Variants in SGCD observed in about 807,000 individuals in gnomAD.
SGCD encodes the protein sarcoglycan delta.
Under a neutral mutation model 36.6 loss-of-function variants are expected in SGCD, and 18 were observed. The observed-to-expected ratio is 0.49, with a 90% CI of 0.34 to 0.73. SGCD has a LOEUF of 0.73. SGCD is among the 30% of genes least tolerant of loss of function. The pLI, the probability that SGCD is intolerant of heterozygous loss-of-function variation, is 0.01. For missense variants in SGCD, 387 were observed against 346.7 expected (o/e 1.12, Z -0.92); for synonymous variants, 133 against 130.6 (o/e 1.02, Z -0.12).
chr5:156,651,598 T>A (rs760377067), intron 7 of SGCD, among the ~76,000 whole-genome samples: 3 of 152,062 alleles, frequency 2.0e-5, no homozygotes, highest in Non-Finnish European at 2.9e-5. Context: ...TGTCAAAGAT[T>A]AAATAGCTAT....
intron 3 of SGCD, among the ~76,000 whole-genome samples, chr5:156,256,566 T>A (rs1192958651): frequency 6.6e-6 from 1 of 152,222 alleles, no homozygotes; most frequent in African/African-American, 2.4e-5. Flanking sequence ...TCCTTTCTCC[T>A]CTTGATAGAT....
chr5:156,038,316 T>C (rs534160934), intron 1 of SGCD, among the ~76,000 whole-genome samples: 2 of 152,154 alleles, frequency 1.3e-5, no homozygotes, highest in Non-Finnish European at 2.9e-5. Flanking sequence ...GAGACTGTCA[T>C]AGATTGAGGG....
At chr5:156,187,691 A>G (rs1343515916) in intron 3 of SGCD, among the ~76,000 whole-genome samples, 1 of 152,164 alleles carries the variant, frequency 6.6e-6, no homozygotes, top group African/African-American at 2.4e-5. Flanking sequence ...AGCTGCTGTT[A>G]TAACTTTGTT....
At chr5:155,765,346 AAG>A in the SGCD span, among the ~76,000 whole-genome samples, 2 of 145,076 alleles carry the variant, frequency 1.4e-5, no homozygotes, top group South Asian at 2.4e-4. Context: ...AAGGAAGGGA[AAG>A]AGAGAGGGAG....
At chr5:156,469,347 C>T (rs956267933) in intron 3 of SGCD, among the ~76,000 whole-genome samples, 2 of 152,162 alleles carry the variant, frequency 1.3e-5, no homozygotes, top group African/African-American at 4.8e-5. Context: ...AGGGCATCTG[C>T]CATAGCCTGT....
At chr5:156,454,541 G>A (rs567901348) in intron 3 of SGCD, among the ~76,000 whole-genome samples, 133 of 152,282 alleles carry the variant, frequency 8.7e-4, no homozygotes, top group African/African-American at 3.2e-3. Context: ...TGTACAGATA[G>A]GAGATGCTCT....
chr5:155,861,696 C>A, the SGCD span, among the ~76,000 whole-genome samples: 17 of 151,982 alleles, frequency 1.1e-4, no homozygotes, highest in African/African-American at 4.1e-4. Flanking sequence ...CCAGCCTGGG[C>A]GACAGAGCAA....
chr5:156,072,996 A>C (rs1317345102), intron 1 of SGCD, among the ~76,000 whole-genome samples: 1 of 152,026 alleles, frequency 6.6e-6, no homozygotes, highest in Non-Finnish European at 1.5e-5. Context: ...TCCTTTAAGC[A>C]CTTCTCTCTA....
At chr5:156,029,959 C>G (rs1759309317) in intron 1 of SGCD, among the ~76,000 whole-genome samples, 1 of 152,160 alleles carries the variant, frequency 6.6e-6, no homozygotes, top group Non-Finnish European at 1.5e-5. Context: ...GCCAAGCCCT[C>G]CAGCCCTCAT....
intron 4 of SGCD, among the ~76,000 whole-genome samples, chr5:156,562,268 A>G (rs1462889787): frequency 6.6e-6 from 1 of 152,022 alleles, no homozygotes; most frequent in East Asian, 1.9e-4. Flanking sequence ...CAGGATATGA[A>G]GGGCCCGGGT....
intron 3 of SGCD, among the ~76,000 whole-genome samples, chr5:156,416,386 G>C (rs1341951350): frequency 6.6e-6 from 1 of 152,120 alleles, no homozygotes; most frequent in Non-Finnish European, 1.5e-5. Context: ...AGGTGGCAAG[G>C]GATAAAAGAC....
intron 6 of SGCD, among the ~76,000 whole-genome samples, chr5:156,612,291 G>A (rs1761850387): frequency 6.6e-6 from 1 of 152,184 alleles, no homozygotes; most frequent in Non-Finnish European, 1.5e-5. Flanking sequence ...CTTTTGTTCT[G>A]GGTGGACCCA....
intron 3 of SGCD, among the ~76,000 whole-genome samples, chr5:156,380,064 G>A (rs557696543): frequency 2.0e-5 from 3 of 152,102 alleles, no homozygotes; most frequent in African/African-American, 4.8e-5. Flanking sequence ...AAGGCACAGC[G>A]TTTGTGGTCT....
At chr5:156,349,882 A>T (rs1168150648) in intron 3 of SGCD, among the ~76,000 whole-genome samples, 1 of 151,996 alleles carries the variant, frequency 6.6e-6, no homozygotes, top group Non-Finnish European at 1.5e-5. Context: ...GGAAAATGTG[A>T]TATACATACA....
chr5:156,115,641 T>A (rs927288302), intron 1 of SGCD, among the ~76,000 whole-genome samples: 4 of 152,146 alleles, frequency 2.6e-5, no homozygotes, highest in African/African-American at 9.7e-5. Flanking sequence ...AGGTATTGTT[T>A]GTAAATCAAG....
chr5:155,985,288 T>C (rs531629884), intron 1 of SGCD, among the ~76,000 whole-genome samples: 2 of 152,276 alleles, frequency 1.3e-5, no homozygotes, highest in Non-Finnish European at 2.9e-5. Context: ...ATTCAGGTTG[T>C]TGGTAGGCCT....
rs117195492 is a variant in SGCD, at chr5:156,448,098, A to G, written c.193-60503A>G. On this transcript the variant is annotated intron_variant, in intron 3 of 8. Coordinates refer to ENST00000337851, the MANE Select transcript of SGCD (RefSeq NM_000337.6). ...CTGTATTCTGCCTTTGAAAAATACC[A>G]TTGTACTACATCCTCCTCTCAAGTC... Among the ~76,000 whole-genome samples, 7 of 152,218 alleles carry G rather than the reference A, an allele frequency of 4.6e-5. 1 individual carries two copies. Among genetic ancestry groups the G allele is most frequent in the East Asian group, 3.9e-4 (2 of 5,164 alleles).
intron 1 of SGCD, among the ~76,000 whole-genome samples, chr5:156,117,110 A>G (rs1761923421): frequency 6.6e-6 from 1 of 152,074 alleles, no homozygotes; most frequent in Non-Finnish European, 1.5e-5. Context: ...ATTTTCCTAT[A>G]CAGATAATAT....
intron 6 of SGCD, among the ~76,000 whole-genome samples, chr5:156,601,448 G>A (rs1234541029): frequency 6.6e-6 from 1 of 152,156 alleles, no homozygotes; most frequent in Non-Finnish European, 1.5e-5. Flanking sequence ...GGCTGTAGGT[G>A]AGTGAATTTA....
Sources: allele counts gnomAD v4.1 joint callset (sites outside exome capture counted in the v4.1 genomes callset), GRCh38; gene constraint gnomAD v4.1.1; transcripts MANE v1.5; gene names NCBI Gene and HGNC (gene_info 2026-07-23, HGNC 2026-07-21).